Variants in CHRNA6 observed in about 807,000 individuals in gnomAD.
The protein encoded by CHRNA6 is cholinergic receptor nicotinic alpha 6 subunit, also known as neuronal acetylcholine receptor subunit alpha-6.
In CHRNA6, 31 loss-of-function variants were observed where a neutral mutation model predicts 40.9. The ratio of observed to expected loss-of-function variants is 0.76; its 90% CI spans 0.57 to 1.02. CHRNA6 has a LOEUF of 1.02. Ranked by LOEUF, CHRNA6 falls within the 50% of genes least tolerant of loss-of-function variation. CHRNA6 has a pLI of 0.00. For missense variants in CHRNA6, 546 were observed against 596.6 expected, an observed-to-expected ratio of 0.92 and a Z score of 0.88; for synonymous variants, 222 against 221.3, an observed-to-expected ratio of 1.00 and a Z score of -0.03.
In CHRNA6 at chr8:42,756,771, T is replaced by C. The variant is rs1392438389; in HGVS notation, c.428A>G (p.Asn143Ser). ...EGKTKALLKY[N>S]GMITWTPPAI... is the part of the protein sequence containing the mutation. ...TGGTGGAGTCCAGGTTATCATGCCATTGTATTTAAGAAGAGCTTTTGTTTT... is the reference window on the plus strand; with the variant it reads ...TGGTGGAGTCCAGGTTATCATGCCACTGTATTTAAGAAGAGCTTTTGTTTT... The change falls in exon 5 of 6, where the codon AAT becomes AGT. Residue 143 changes from asparagine (N) to serine (S), a missense_variant. Asn to Ser is a conservative substitution (Grantham distance 46). Coordinates refer to ENST00000276410, the MANE Select transcript of CHRNA6 (RefSeq NM_004198.3). 1 of 1,610,688 alleles carries C rather than the reference T, an allele frequency of 6.2e-7. No homozygotes were observed. Among genetic ancestry groups the C allele is most frequent in the South Asian group, 1.1e-5 (1 of 90,180 alleles).
At chr8:42,759,412 C>A in intron 2 of CHRNA6, 3 of 279,214 alleles carry the variant, frequency 1.1e-5, no homozygotes, top group Non-Finnish European at 2.1e-5. Flanking sequence ...TTTCTAGTTC[C>A]ATGAAAGGAA....
rs762896869 is a variant in CHRNA6 at position 42,756,632 on chromosome 8, T to G, written c.567A>C (p.Leu189=). 3.1e-6 allele frequency: 5 copies of G among 1,614,088 alleles called. No individual in the cohort carries two copies. The South Asian group carries it at 5.5e-5, about 18-fold the overall frequency. ...WTYDKAEIDL[L]IIGSKVDMND... is the part of the protein sequence containing the mutation. ...TCATATCCACTTTTGATCCAATGAT[T>G]AGAAGATCAATTTCAGCTTTGTCAT... Residue 189 remains leucine (L), a synonymous_variant, in exon 5 of 6, where the codon CTA becomes CTC. Transcript: ENST00000276410.
chr8:42,760,630 ACT>A (rs1446274899), intron 2 of CHRNA6, among the ~76,000 whole-genome samples: 2 of 152,004 alleles, frequency 1.3e-5, no homozygotes, highest in African/African-American at 2.4e-5. Context: ...ATGCACACAC[ACT>A]CACAGTCATG....
chr8:42,754,946 C>G (rs975013303), intron 5 of CHRNA6, among the ~76,000 whole-genome samples: 1 of 152,114 alleles, frequency 6.6e-6, no homozygotes, highest in African/African-American at 2.4e-5. Context: ...CCCAGCACCC[C>G]CAGGCTGCAC....
chr8:42,759,918 A>T (rs1176058314), intron 2 of CHRNA6, among the ~76,000 whole-genome samples: 1 of 148,898 alleles, frequency 6.7e-6, no homozygotes, highest in Admixed American at 6.7e-5. Flanking sequence ...AAAAAAAGTC[A>T]GCCTTGGCCA....
Position 42,757,052 on chromosome 8 carries a change from A to C in CHRNA6, c.265-15T>G, listed in dbSNP as rs779318521. 1.3e-6 allele frequency: 2 copies of C among 1,580,440 alleles called. No individual in the cohort carries two copies. Among genetic ancestry groups the C allele is most frequent in the South Asian group, 2.2e-5 (2 of 90,320 alleles). On this transcript the variant is annotated splice_polypyrimidine_tract_variant and intron_variant, in intron 3 of 5. Coordinates refer to ENST00000276410, the MANE Select transcript of CHRNA6 (RefSeq NM_004198.3). ...TCATTCCAGATCTAAAATAAATAGA[A>C]ATCAGCTTTTAAAATTTCTTAATAA... is the stretch of plus-strand genomic sequence containing the variant.
Position 42,768,583 on chromosome 8 carries a change from C to T in CHRNA6, c.-153G>A, listed in dbSNP as rs1817003577. The stretch of plus-strand genomic sequence containing the variant: ...AGAAATCAAAACATCCCCGGGACTT[C>T]ACACGGTTATTACCAGGATCAGAGA... On this transcript the variant is annotated 5_prime_UTR_variant, in exon 1 of 6. The change abolishes the stop of an existing upstream ORF in the 5' untranslated region. Coordinates refer to ENST00000276410, the MANE Select transcript of CHRNA6 (RefSeq NM_004198.3). 1 of 588,366 alleles carries T rather than the reference C, an allele frequency of 1.7e-6. No homozygotes were observed. Among genetic ancestry groups the T allele is most frequent in the Non-Finnish European group, 3.1e-6 (1 of 322,866 alleles). The allele number at this position is 588,366 out of a possible 1,614,324, so 36.4% of individuals were successfully genotyped here.
intron 1 of CHRNA6, among the ~76,000 whole-genome samples, chr8:42,765,751 A>G (rs1278015372): frequency 1.3e-5 from 2 of 152,212 alleles, no homozygotes; most frequent in African/African-American, 4.8e-5. Context: ...TAAAAAATCA[A>G]CTTTGAGGAC....
intron 3 of CHRNA6, among the ~76,000 whole-genome samples, chr8:42,758,451 A>G (rs182863251): frequency 6.6e-6 from 1 of 151,594 alleles, no homozygotes; most frequent in African/African-American, 2.4e-5. Flanking sequence ...ACCTCTGCCT[A>G]CTGGTTCAAG....
At chr8:42,758,925 T>A (rs1816852972) in intron 3 of CHRNA6, 144 bp downstream of exon 3, 4 of 650,772 alleles carry the variant, frequency 6.1e-6, no homozygotes, top group Middle Eastern at 2.6e-4. Flanking sequence ...AAGTCAGCTA[T>A]TACCAGAGCT....
At position 42,752,622 on chromosome 8, in the gene CHRNA6, T is replaced by TG. The variant is rs1278173657; in HGVS notation, c.*556_*557insC. 12 of 145,822 alleles carry TG rather than the reference T, an allele frequency of 8.2e-5. No individual in the cohort carries two copies. Among genetic ancestry groups the TG allele is most frequent in the Admixed American group, 4.7e-4 (7 of 14,764 alleles). 9.0% of individuals were successfully genotyped at this position (145,822 alleles called of 1,614,324 possible). On this transcript the variant is annotated 3_prime_UTR_variant, in exon 6 of 6. Transcript: ENST00000276410. ...GGCCACCACACCTGACCAAACTGTT[T>TG]TTTTTTTTTTTTTTTTAAAACTAAC...
intron 2 of CHRNA6, chr8:42,759,409 T>G (rs913471514): frequency 8.0e-5 from 24 of 300,300 alleles, no homozygotes; most frequent in African/African-American, 5.0e-4. Context: ...AGGTTTCTAG[T>G]TCCATGAAAG....
chr8:42,765,116 G>A lies in CHRNA6; in HGVS notation c.168C>T (p.Ser56=), dbSNP rs186814898. Reference sequence around the variant, plus strand: ...CTTCAAAGTGTACCGTGACAGGGTCGGAAACGTTTTCCACAGGCCTGATGA... The same window carrying A: ...CTTCAAAGTGTACCGTGACAGGGTCAGAAACGTTTTCCACAGGCCTGATGA... ...NQFIRPVENV[S]DPVTVHFEVA... The change falls in exon 2 of 6, where the codon TCC becomes TCT. Residue 56 remains serine (S), a synonymous_variant. Transcript: ENST00000276410. 49 of 1,614,202 alleles carry A rather than the reference G, an allele frequency of 3.0e-5. No individual in the cohort carries two copies. The Middle Eastern group carries it at 4.9e-4, about 16-fold the overall frequency.
chr8:42,765,359 C>G (rs563864582), intron 1 of CHRNA6, among the ~76,000 whole-genome samples, 155 bp from the exon 2 acceptor site: 7 of 152,330 alleles, frequency 4.6e-5, no homozygotes, highest in African/African-American at 1.2e-4. Context: ...TCCACCAGTG[C>G]CCATCTCACC....
intron 5 of CHRNA6, among the ~76,000 whole-genome samples, chr8:42,755,009 CT>C (rs1323123307): frequency 6.6e-6 from 1 of 150,818 alleles, no homozygotes; most frequent in Non-Finnish European, 1.5e-5. Flanking sequence ...CTCTTTCTAC[CT>C]TTTTATTTGC....
rs1816744507 is a variant in CHRNA6 at position 42,753,081 on chromosome 8, G to T, written c.*98C>A. 8.7e-7 allele frequency: 1 copy of T among 1,143,754 alleles called. No individual in the cohort carries two copies. The highest frequency in any genetic ancestry group is 1.5e-5 in the South Asian group (1 of 65,994). 70.9% of individuals were successfully genotyped at this position (1,143,754 alleles called of 1,614,324 possible). A position where few individuals can be genotyped will look rare whatever the true frequency, so the allele number is the denominator to read the frequency against. ...GTAGCCATCAGTTTTAGCAGATGGG[G>T]GACTTGGGTGGGAAGCCTTTGCTTT... On this transcript the variant is annotated 3_prime_UTR_variant, in exon 6 of 6. Transcript: ENST00000276410.
chr8:42,759,594 T>C (rs1014138622), intron 2 of CHRNA6, among the ~76,000 whole-genome samples: 1 of 151,902 alleles, frequency 6.6e-6, no homozygotes, highest in Non-Finnish European at 1.5e-5. Context: ...TGGGATCCTA[T>C]CTTGAAATGC....
intron 1 of CHRNA6, among the ~76,000 whole-genome samples, chr8:42,767,326 A>T (rs1055290179): frequency 6.6e-6 from 1 of 152,200 alleles, no homozygotes; most frequent in African/African-American, 2.4e-5. Flanking sequence ...TCAGTCACTA[A>T]ATTCTAGACA....
At chr8:42,765,014 C>T in intron 2 of CHRNA6, 51 bp downstream of exon 2, 1 of 1,582,976 alleles carries the variant, frequency 6.3e-7, no homozygotes, top group South Asian at 1.1e-5. Context: ...TCATTTACCA[C>T]CTGCAAAAGT....
Sources: allele counts gnomAD v4.1 joint callset (sites outside exome capture counted in the v4.1 genomes callset), GRCh38; gene constraint gnomAD v4.1.1; transcripts MANE v1.5; gene names NCBI Gene and HGNC (gene_info 2026-07-23, HGNC 2026-07-21).